Variants in SLC71A2 observed in about 807,000 individuals in gnomAD.
SLC71A2 encodes the protein solute carrier family 71 member 2.
chr9:94,457,343 A>G, the SLC71A2 span, among the ~76,000 whole-genome samples: 6 of 152,230 alleles, frequency 3.9e-5, no homozygotes, highest in East Asian at 1.2e-3. Context: ...TATTGTATTC[A>G]GGAAGAAGTA....
chr9:94,448,902 G>A, the SLC71A2 span, among the ~76,000 whole-genome samples: 39 of 152,240 alleles, frequency 2.6e-4, no homozygotes, highest in African/African-American at 8.4e-4. Flanking sequence ...CAAAATGCTG[G>A]GATTATAGGC....
chr9:94,403,932 G>T, the SLC71A2 span, among the ~76,000 whole-genome samples: 1 of 152,300 alleles, frequency 6.6e-6, no homozygotes, highest in East Asian at 1.9e-4. Context: ...AGTATTGCGA[G>T]GTGGCGCCTT....
chr9:94,438,929 A>G, the SLC71A2 span, among the ~76,000 whole-genome samples: 1 of 151,982 alleles, frequency 6.6e-6, no homozygotes, highest in Non-Finnish European at 1.5e-5. Flanking sequence ...ACTGACACAA[A>G]CATAGTTTAT....
At chr9:94,439,800 T>TA in the SLC71A2 span, among the ~76,000 whole-genome samples, 1 of 152,096 alleles carries the variant, frequency 6.6e-6, no homozygotes, top group Non-Finnish European at 1.5e-5. Flanking sequence ...TTTGTTCCTA[T>TA]AAATTTTATC....
At chr9:94,383,567 C>A in the SLC71A2 span, among the ~76,000 whole-genome samples, 1 of 152,058 alleles carries the variant, frequency 6.6e-6, no homozygotes, top group Non-Finnish European at 1.5e-5. Context: ...ACCCTGCAGT[C>A]TTGATTACTG....
the SLC71A2 span, among the ~76,000 whole-genome samples, chr9:94,423,478 G>A: frequency 2.0e-4 from 31 of 152,088 alleles, no homozygotes; most frequent in South Asian, 5.2e-3. Context: ...AGCCCTTTTC[G>A]CTAGTGGTCA....
At chr9:94,440,576 A>G in the SLC71A2 span, among the ~76,000 whole-genome samples, 2 of 152,064 alleles carry the variant, frequency 1.3e-5, no homozygotes, top group African/African-American at 4.8e-5. Context: ...TTTTAGTCTT[A>G]AGTACACTAA....
At chr9:94,439,662 G>T in the SLC71A2 span, among the ~76,000 whole-genome samples, 1 of 151,126 alleles carries the variant, frequency 6.6e-6, no homozygotes, top group African/African-American at 2.4e-5. Flanking sequence ...TATTTTCTAC[G>T]AGTTGAAGAA....
chr9:94,453,898 CTTGTATTTTAAT>C, the SLC71A2 span: 1 of 1,135,320 alleles, frequency 8.8e-7, no homozygotes, highest in East Asian at 2.3e-5. Context: ...ACACACAGAG[CTTGTATTTTAAT>C]TCTGTGTGTT....
At chr9:94,445,320 A>T in the SLC71A2 span, 4 of 673,902 alleles carry the variant, frequency 5.9e-6, no homozygotes, top group Admixed American at 8.7e-5. Context: ...ATTAATTGCA[A>T]GTAAGGGATT....
chr9:94,433,113 G>A, the SLC71A2 span: 2 of 306,432 alleles, frequency 6.5e-6, no homozygotes, highest in Admixed American at 3.9e-5. Flanking sequence ...CCCTTGAGAC[G>A]GTACACAATG....
chr9:94,441,966 G>A, the SLC71A2 span, among the ~76,000 whole-genome samples: 1 of 152,194 alleles, frequency 6.6e-6, no homozygotes, highest in African/African-American at 2.4e-5. Context: ...ATGTTTCAGG[G>A]GAAAAGATAG....
the SLC71A2 span, among the ~76,000 whole-genome samples, chr9:94,419,422 T>C: frequency 1.3e-5 from 2 of 151,678 alleles, no homozygotes; most frequent in Non-Finnish European, 2.9e-5. Context: ...GCCTCCCGAG[T>C]AGCTGGGATT....
the SLC71A2 span, among the ~76,000 whole-genome samples, chr9:94,453,094 C>A: frequency 2.0e-5 from 3 of 151,310 alleles, no homozygotes; most frequent in East Asian, 5.8e-4. Context: ...ATTATGTTAA[C>A]CTTTCAAGTT....
chr9:94,384,939 A>T, the SLC71A2 span, among the ~76,000 whole-genome samples: 21 of 151,774 alleles, frequency 1.4e-4, no homozygotes, highest in Non-Finnish European at 2.5e-4. Context: ...TAAAATAATG[A>T]GTTTGGCTCC....
the SLC71A2 span, among the ~76,000 whole-genome samples, chr9:94,442,627 C>T: frequency 4.6e-5 from 7 of 151,988 alleles, no homozygotes; most frequent in African/African-American, 1.5e-4. Flanking sequence ...GAGGTGGGGG[C>T]GGATCATGAG....
At chr9:94,417,918 G>A in the SLC71A2 span, among the ~76,000 whole-genome samples, 2 of 122,414 alleles carry the variant, frequency 1.6e-5, no homozygotes, top group African/African-American at 3.2e-5. Flanking sequence ...GTTCAGTGGC[G>A]TGATCTCAGC....
At chr9:94,431,947 C>T in the SLC71A2 span, among the ~76,000 whole-genome samples, 1 of 152,154 alleles carries the variant, frequency 6.6e-6, no homozygotes, top group African/African-American at 2.4e-5. Flanking sequence ...AGCATTGGCA[C>T]TTGTAGCTGG....
At chr9:94,379,179 C>T in the SLC71A2 span, among the ~76,000 whole-genome samples, 3,317 of 150,232 alleles carry the variant, frequency 0.022, 125 homozygotes, top group African/African-American at 0.077. Flanking sequence ...CTCTGCCTGC[C>T]GGGTTCAAGC....
Sources: allele counts gnomAD v4.1 joint callset (sites outside exome capture counted in the v4.1 genomes callset), GRCh38; gene constraint gnomAD v4.1.1; transcripts MANE v1.5; gene names NCBI Gene and HGNC (gene_info 2026-07-23, HGNC 2026-07-21).